The following RBFOX1 variants were observed in gnomAD, a reference collection of about 807,000 sequenced individuals.
The protein encoded by RBFOX1 is RNA binding protein fox-1 homolog 1.
Under a neutral mutation model 57.7 loss-of-function variants are expected in RBFOX1, and 8 were observed. The observed-to-expected ratio is 0.14, with a 90% CI of 0.08 to 0.25. RBFOX1 has a LOEUF of 0.25. Ranked by LOEUF, RBFOX1 falls within the 10% of genes least tolerant of loss-of-function variation. The pLI is 1.00. For synonymous variants in RBFOX1, 326 were observed against 222.4 expected (o/e 1.47, Z -4.15); for missense variants, 611 against 548.5 (o/e 1.11, Z -1.14).
At chr16:5,674,756 A>T (rs956188752) in intron 3 of RBFOX1, among the ~76,000 whole-genome samples, 1 of 152,236 alleles carries the variant, frequency 6.6e-6, no homozygotes, top group Admixed American at 6.5e-5. Flanking sequence ...TTGTAACTTC[A>T]GATGAGCCAC....
chr16:6,053,490 A>C (rs1384425863), intron 1 of RBFOX1, among the ~76,000 whole-genome samples: 2 of 152,212 alleles, frequency 1.3e-5, no homozygotes, highest in Admixed American at 6.5e-5. Context: ...GTAAACAAAG[A>C]AAATCATTTA....
chr16:6,927,787 A>G (rs1170047729), intron 3 of RBFOX1, among the ~76,000 whole-genome samples: 2 of 152,180 alleles, frequency 1.3e-5, no homozygotes, highest in East Asian at 1.9e-4. Context: ...GTTCTGTTGA[A>G]TTAAGCCACC....
intron 1 of RBFOX1, among the ~76,000 whole-genome samples, chr16:6,315,667 T>A (rs565376104): frequency 4.9e-4 from 74 of 152,246 alleles, no homozygotes; most frequent in African/African-American, 1.7e-3. Flanking sequence ...TTTTTATTAG[T>A]TGAAAGAAAT....
At chr16:6,021,639 A>G (rs2095079824) in intron 1 of RBFOX1, among the ~76,000 whole-genome samples, 2 of 152,290 alleles carry the variant, frequency 1.3e-5, no homozygotes, top group South Asian at 4.1e-4. Flanking sequence ...CGGGTTAGGA[A>G]GAAAAGTCAT....
chr16:6,912,414 A>G (rs2071877831), intron 3 of RBFOX1, among the ~76,000 whole-genome samples: 2 of 152,162 alleles, frequency 1.3e-5, no homozygotes, highest in East Asian at 1.9e-4. Flanking sequence ...GGCTACTGAA[A>G]TGAGGTGTCT....
chr16:7,144,400 C>T (rs1432055526), intron 4 of RBFOX1, among the ~76,000 whole-genome samples: 2 of 93,898 alleles, frequency 2.1e-5, no homozygotes, highest in African/African-American at 4.2e-5. Context: ...CTTCTTTTCT[C>T]TTTCTTTTTC....
intron 2 of RBFOX1, among the ~76,000 whole-genome samples, chr16:5,507,695 G>T (rs72761050): frequency 0.12 from 18,080 of 152,214 alleles, 2,070 homozygotes; most frequent in African/African-American, 0.3. Context: ...CCAGTGACTG[G>T]TGTCCTTATA....
intron 4 of RBFOX1, among the ~76,000 whole-genome samples, chr16:5,894,436 G>C (rs12921958): frequency 0.28 from 42,090 of 151,700 alleles, 5,965 homozygotes; most frequent in South Asian, 0.43. Context: ...ACTACACCTG[G>C]CTAATTTTTT....
At chr16:7,032,805 A>G (rs1412418882) in intron 3 of RBFOX1, among the ~76,000 whole-genome samples, 1 of 152,102 alleles carries the variant, frequency 6.6e-6, no homozygotes. Flanking sequence ...TACCTGAACT[A>G]AAAATGCGTT....
chr16:7,566,838 T>G (rs1350206400), intron 5 of RBFOX1, among the ~76,000 whole-genome samples: 1 of 152,092 alleles, frequency 6.6e-6, no homozygotes, highest in African/African-American at 2.4e-5. Flanking sequence ...TCCAGGGAGC[T>G]TGTGAACTTT....
intron 14 of RBFOX1, among the ~76,000 whole-genome samples, chr16:7,684,996 C>G (rs2075747166): frequency 6.6e-6 from 1 of 152,070 alleles, no homozygotes; most frequent in Non-Finnish European, 1.5e-5. Flanking sequence ...AGTGGATCAT[C>G]TAAAAAGCCT....
chr16:7,414,398 G>A (rs1429124074), intron 4 of RBFOX1, among the ~76,000 whole-genome samples: 1 of 152,056 alleles, frequency 6.6e-6, no homozygotes, highest in Non-Finnish European at 1.5e-5. Flanking sequence ...TACATGAGAG[G>A]AAAGATGGAA....
intron 4 of RBFOX1, among the ~76,000 whole-genome samples, chr16:6,010,624 G>A (rs925893810): frequency 6.6e-6 from 1 of 152,204 alleles, no homozygotes; most frequent in African/African-American, 2.4e-5. Context: ...AGCAGAGCTT[G>A]TTGAGCCACC....
At chr16:6,919,331 C>T (rs191814054) in intron 3 of RBFOX1, among the ~76,000 whole-genome samples, 1 of 152,254 alleles carries the variant, frequency 6.6e-6, no homozygotes, top group Admixed American at 6.5e-5. Context: ...ATCCTGTTTA[C>T]ATGTATTAAT....
intron 3 of RBFOX1, among the ~76,000 whole-genome samples, chr16:6,926,358 A>C (rs1322647970): frequency 6.6e-6 from 1 of 152,134 alleles, no homozygotes; most frequent in East Asian, 1.9e-4. Context: ...GGGTACACAG[A>C]GTTGTGCAAC....
intron 3 of RBFOX1, among the ~76,000 whole-genome samples, chr16:6,939,413 A>T (rs1052024455): frequency 6.6e-6 from 1 of 151,590 alleles, no homozygotes; most frequent in Non-Finnish European, 1.5e-5. Context: ...ATATATATAT[A>T]TGTAGCTATA....
At chr16:6,395,351 T>C (rs1470871406) in intron 2 of RBFOX1, among the ~76,000 whole-genome samples, 2 of 152,208 alleles carry the variant, frequency 1.3e-5, no homozygotes, top group African/African-American at 4.8e-5. Context: ...CAAAGCCATG[T>C]TATACTTCTT....
intron 3 of RBFOX1, among the ~76,000 whole-genome samples, chr16:6,992,553 C>T (rs2091660695): frequency 6.6e-6 from 1 of 152,020 alleles, no homozygotes; most frequent in South Asian, 2.1e-4. Context: ...CTTCCAAGGT[C>T]AGCTTGGGTT....
intron 3 of RBFOX1, among the ~76,000 whole-genome samples, chr16:6,814,967 G>A (rs1218507457): frequency 1.3e-5 from 2 of 152,092 alleles, no homozygotes; most frequent in Non-Finnish European, 2.9e-5. Context: ...TGTTCTACAG[G>A]CAGAGCAGTG....
Sources: allele counts gnomAD v4.1 joint callset (sites outside exome capture counted in the v4.1 genomes callset), GRCh38; gene constraint gnomAD v4.1.1; transcripts MANE v1.5; gene names NCBI Gene and HGNC (gene_info 2026-07-23, HGNC 2026-07-21).